Variants in VPS37A observed in about 807,000 individuals in gnomAD.
VPS37A encodes vacuolar protein sorting-associated protein 37A.
A neutral mutation model predicts 49.8 loss-of-function variants in VPS37A; 30 were observed. The observed-to-expected ratio is 0.60, with a 90% CI of 0.45 to 0.82. VPS37A has a LOEUF of 0.82. Among genes scored for constraint, VPS37A ranks in the 40% least tolerant of loss-of-function variants. The pLI is 0.00. For missense variants in VPS37A, 593 were observed against 464.4 expected, an observed-to-expected ratio of 1.28 and a Z score of -2.55; for synonymous variants, 195 against 160.6, an observed-to-expected ratio of 1.21 and a Z score of -1.62.
chr8:17,258,995 C>T (rs1338705142), intron 1 of VPS37A, among the ~76,000 whole-genome samples: 1 of 151,986 alleles, frequency 6.6e-6, no homozygotes, highest in African/African-American at 2.4e-5. Context: ...GGTCTTCTCT[C>T]CTAGTTCATC....
At chr8:17,308,932 T>G in the VPS37A span, among the ~76,000 whole-genome samples, 1 of 152,178 alleles carries the variant, frequency 6.6e-6, no homozygotes, top group Non-Finnish European at 1.5e-5. Context: ...AGTTCACAAC[T>G]TGCAGACTAA....
At chr8:17,269,668 ACCAGGAATTT>A (rs1315314481) in intron 4 of VPS37A, among the ~76,000 whole-genome samples, 1 of 152,078 alleles carries the variant, frequency 6.6e-6, no homozygotes, top group Non-Finnish European at 1.5e-5. Context: ...AGTAACTCTC[ACCAGGAATTT>A]CCTTTGTTGT....
downstream of VPS37A, chr8:17,300,387 A>ACCTGG: frequency 2.9e-6 from 2 of 689,004 alleles, no homozygotes; most frequent in Middle Eastern, 8.2e-4. Context: ...CCTTGGACAA[A>ACCTGG]ATCTGTGAGG....
intron 1 of VPS37A, among the ~76,000 whole-genome samples, chr8:17,260,654 C>A (rs568067522): frequency 6.6e-6 from 1 of 152,106 alleles, no homozygotes; most frequent in African/African-American, 2.4e-5. Flanking sequence ...GGGGTGAATT[C>A]TCCATGCTTT....
At chr8:17,293,080 G>C (rs1416516501) in intron 11 of VPS37A, among the ~76,000 whole-genome samples, 3 of 152,028 alleles carry the variant, frequency 2.0e-5, no homozygotes, top group African/African-American at 7.2e-5. Flanking sequence ...GTCACTTTCA[G>C]GTACACCAAT....
At chr8:17,274,363 C>A (rs1209618025) in intron 4 of VPS37A, among the ~76,000 whole-genome samples, 1 of 152,128 alleles carries the variant, frequency 6.6e-6, no homozygotes, top group Non-Finnish European at 1.5e-5. Context: ...GAATAAATGT[C>A]CTGGATTAAA....
At chr8:17,310,352 C>G in the VPS37A span, among the ~76,000 whole-genome samples, 1 of 152,020 alleles carries the variant, frequency 6.6e-6, no homozygotes, top group Non-Finnish European at 1.5e-5. Context: ...CATCAATATC[C>G]CCAATGCTTT....
chr8:17,300,348 G>T, downstream of VPS37A: 2 of 1,085,402 alleles, frequency 1.8e-6, no homozygotes, highest in Non-Finnish European at 2.6e-6. Context: ...TGACTCAGAG[G>T]GATGTGAGTT....
At chr8:17,265,721 T>A (rs759907860) in intron 1 of VPS37A, 186 bp from the exon 2 acceptor site, 24 of 1,473,744 alleles carry the variant, frequency 1.6e-5, no homozygotes, top group Non-Finnish European at 2.1e-5. Context: ...TGTTACTGTG[T>A]GCTTAGATGA....
At chr8:17,327,781 A>C in the VPS37A span, among the ~76,000 whole-genome samples, 1 of 152,234 alleles carries the variant, frequency 6.6e-6, no homozygotes, top group African/African-American at 2.4e-5. Flanking sequence ...TTGGGTGGCA[A>C]ATGGTACTTT....
the VPS37A span, among the ~76,000 whole-genome samples, chr8:17,315,574 G>GC: frequency 1.5e-3 from 227 of 152,286 alleles, no homozygotes; most frequent in African/African-American, 4.8e-3. Flanking sequence ...GGCAGGGCTA[G>GC]CTGGGACTCT....
intron 4 of VPS37A, among the ~76,000 whole-genome samples, chr8:17,269,207 C>G (rs911000015): frequency 2.6e-5 from 4 of 152,072 alleles, no homozygotes; most frequent in African/African-American, 9.7e-5. Flanking sequence ...ATCTGTTGGC[C>G]TCCTATTGTA....
At chr8:17,315,504 C>G in the VPS37A span, among the ~76,000 whole-genome samples, 24 of 152,280 alleles carry the variant, frequency 1.6e-4, 1 homozygote, top group South Asian at 3.9e-3. Context: ...GTGCACTGAT[C>G]ACAACAATGT....
downstream of VPS37A, among the ~76,000 whole-genome samples, chr8:17,304,768 T>TGTGTGTGTGTGTGTGTGTGTG (rs1563315402): frequency 6.1e-5 from 9 of 147,506 alleles, no homozygotes; most frequent in African/African-American, 9.9e-5. Flanking sequence ...TGTGTGTGTG[T>TGTGTGTGTGTGTGTGTGTGTG]TAAGCTGTTC....
At chr8:17,305,759 G>T, downstream of VPS37A, 1 of 1,606,136 alleles carries the variant, frequency 6.2e-7, no homozygotes, top group South Asian at 1.1e-5. Flanking sequence ...ACACTTACTT[G>T]AGTTCTCGTC....
chr8:17,321,799 A>G, the VPS37A span, among the ~76,000 whole-genome samples: 3 of 152,226 alleles, frequency 2.0e-5, no homozygotes, highest in African/African-American at 4.8e-5. Flanking sequence ...GCCCAGGTCT[A>G]GTGATATTTG....
chr8:17,316,429 T>C, the VPS37A span, among the ~76,000 whole-genome samples: 1 of 151,422 alleles, frequency 6.6e-6, no homozygotes, highest in Non-Finnish European at 1.5e-5. Flanking sequence ...TGTTGACAGT[T>C]GTTCCCTCCT....
intron 1 of VPS37A, among the ~76,000 whole-genome samples, chr8:17,253,143 T>G (rs1319692876): frequency 2.0e-5 from 3 of 152,182 alleles, no homozygotes; most frequent in Admixed American, 2.0e-4. Context: ...GATAAGGCAG[T>G]CATTTCTCCA....
Position 17,247,156 on chromosome 8 carries a change from T to C in VPS37A, c.-89T>C. ...TTGGGCCACGGACGTCCCACCCCGC[T>C]CCTCTGTCGCTGGAGAACCGCCGGG... On this transcript the variant is annotated 5_prime_UTR_variant, in exon 1 of 12. Coordinates refer to ENST00000324849, the MANE Select transcript of VPS37A (RefSeq NM_152415.3). The C allele has an allele frequency of 6.5e-7, 1 of 1,532,658 alleles. No individual in the cohort carries two copies. The highest frequency in any genetic ancestry group is 8.8e-7 in the Non-Finnish European group (1 of 1,136,806). 94.9% of individuals were successfully genotyped at this position (1,532,658 alleles called of 1,614,324 possible).
Sources: allele counts gnomAD v4.1 joint callset (sites outside exome capture counted in the v4.1 genomes callset), GRCh38; gene constraint gnomAD v4.1.1; transcripts MANE v1.5; gene names NCBI Gene and HGNC (gene_info 2026-07-23, HGNC 2026-07-21).